The following PTPRM variants were observed in gnomAD, a reference collection of about 807,000 sequenced individuals.
PTPRM encodes receptor-type tyrosine-protein phosphatase mu.
In PTPRM, 47 loss-of-function variants were observed where a neutral mutation model predicts 186.7. The ratio of observed to expected loss-of-function variants is 0.25; its 90% CI spans 0.20 to 0.32. PTPRM has a LOEUF of 0.32. PTPRM is among the 10% of genes least tolerant of loss of function. The pLI, the probability that PTPRM is intolerant of heterozygous loss-of-function variation, is 1.00. For synonymous variants in PTPRM, 668 were observed against 674.9 expected, an observed-to-expected ratio of 0.99 and a Z score of 0.16; for missense variants, 1,494 against 1,865.0, an observed-to-expected ratio of 0.80 and a Z score of 3.66.
intron 2 of PTPRM, among the ~76,000 whole-genome samples, chr18:7,844,687 T>A (rs2046506801): frequency 6.6e-6 from 1 of 152,206 alleles, no homozygotes; most frequent in South Asian, 2.1e-4. Context: ...TCTGAGTCAC[T>A]CCTCCTCTTC....
At chr18:8,359,056 TAA>T (rs1255540500) in intron 23 of PTPRM, among the ~76,000 whole-genome samples, 1 of 152,194 alleles carries the variant, frequency 6.6e-6, no homozygotes, top group African/African-American at 2.4e-5. Context: ...CCTTTTGTAT[TAA>T]ATACTTGGTA....
At chr18:8,258,230 A>AG (rs2147457103) in intron 19 of PTPRM, among the ~76,000 whole-genome samples, 1 of 152,280 alleles carries the variant, frequency 6.6e-6, no homozygotes, top group East Asian at 1.9e-4. Flanking sequence ...TGACAAGCAA[A>AG]GGGCAGTCTG....
Position 8,085,671 on chromosome 18 carries a change from A to G in PTPRM, c.1552A>G (p.Ile518Val). ...QTYGVITLYEITYKAVSSFDP... is the reference protein window; with the variant it reads ...QTYGVITLYEVTYKAVSSFDP... ...TTATCACTTTCTCATTCTTTTGCAG[A>G]TCACCTACAAAGCAGTCAGTTCCTT... The change falls in exon 10 of 33, where the codon ATC becomes GTC. Residue 518 changes from isoleucine (I) to valine (V), a missense_variant and splice_region_variant. Physicochemically the swap from Ile to Val is conservative, Grantham distance 29. Transcript: ENST00000580170. 6.3e-7 allele frequency: 1 copy of G among 1,590,750 alleles called. No individual in the cohort carries two copies. The highest frequency in any genetic ancestry group is 8.6e-7 in the Non-Finnish European group (1 of 1,158,918).
At chr18:7,837,679 G>A (rs1323627881) in intron 2 of PTPRM, among the ~76,000 whole-genome samples, 1 of 152,116 alleles carries the variant, frequency 6.6e-6, no homozygotes, top group African/African-American at 2.4e-5. Flanking sequence ...CTGACCTCAG[G>A]TGATCCACCC....
intron 1 of PTPRM, among the ~76,000 whole-genome samples, chr18:7,728,963 G>A (rs910216935): frequency 9.1e-6 from 1 of 109,776 alleles, no homozygotes; most frequent in Admixed American, 1.1e-4. Context: ...TCTCTCTATT[G>A]TCAAGGCTAG....
intron 14 of PTPRM, among the ~76,000 whole-genome samples, chr18:8,146,025 CTTTTT>C (rs33980345): frequency 2.7e-5 from 3 of 109,874 alleles, no homozygotes; most frequent in African/African-American, 3.3e-5. Context: ...TCTTTCTTTT[CTTTTT>C]TTTTTTTTTT....
rs146289239 is a variant in PTPRM at position 7,872,199 on chromosome 18, G to A, written c.197-15907G>A. Reference sequence around the variant, plus strand: ...ATGTAAGTGGTGTAAAAGAACCACCGTTCTTTCACATATTTTAGGCTAAGA... The same window carrying A: ...ATGTAAGTGGTGTAAAAGAACCACCATTCTTTCACATATTTTAGGCTAAGA... On this transcript the variant is annotated intron_variant, in intron 2 of 32. Coordinates refer to ENST00000580170, the MANE Select transcript of PTPRM (RefSeq NM_001105244.2). Among the ~76,000 whole-genome samples, 418 of 152,196 alleles carry A rather than the reference G, an allele frequency of 2.7e-3. 2 individuals are homozygous for A. Among genetic ancestry groups the A allele is most frequent in the Non-Finnish European group, 4.3e-3 (291 of 67,988 alleles).
chr18:7,737,821 A>G (rs1290319542), intron 1 of PTPRM, among the ~76,000 whole-genome samples: 2 of 152,276 alleles, frequency 1.3e-5, no homozygotes, highest in South Asian at 4.2e-4. Context: ...CAAAACCTGG[A>G]TTCTGATAGG....
At chr18:7,908,404 G>C (rs200903929) in intron 4 of PTPRM, among the ~76,000 whole-genome samples, 1 of 152,088 alleles carries the variant, frequency 6.6e-6, no homozygotes, top group East Asian at 1.9e-4. Flanking sequence ...TAATAAAAAT[G>C]GAAATATTTG....
chr18:8,179,671 T>C (rs1410068219), intron 14 of PTPRM, among the ~76,000 whole-genome samples: 3 of 152,098 alleles, frequency 2.0e-5, no homozygotes, highest in African/African-American at 7.2e-5. Flanking sequence ...GGTTTCACCA[T>C]GTTGGCCAGG....
chr18:8,167,564 AG>A (rs1450683794), intron 14 of PTPRM, among the ~76,000 whole-genome samples: 2 of 152,224 alleles, frequency 1.3e-5, no homozygotes, highest in African/African-American at 4.8e-5. Flanking sequence ...CTGTGGATGG[AG>A]CAGGCTCCAG....
At chr18:7,871,406 T>C (rs1468746897) in intron 2 of PTPRM, among the ~76,000 whole-genome samples, 1 of 152,214 alleles carries the variant, frequency 6.6e-6, no homozygotes, top group Non-Finnish European at 1.5e-5. Flanking sequence ...GCGGTGCCAT[T>C]CTGTCACTTT....
At chr18:7,980,877 C>G (rs1043210219) in intron 7 of PTPRM, among the ~76,000 whole-genome samples, 6 of 152,098 alleles carry the variant, frequency 3.9e-5, no homozygotes, top group African/African-American at 1.4e-4. Flanking sequence ...TCCACTGGAG[C>G]ATGAGCTGGC....
At chr18:8,316,750 C>T (rs1401781298) in intron 21 of PTPRM, among the ~76,000 whole-genome samples, 2 of 152,038 alleles carry the variant, frequency 1.3e-5, no homozygotes, top group East Asian at 3.9e-4. Context: ...AAAACTAAAG[C>T]CGTAAAGGGG....
intron 1 of PTPRM, among the ~76,000 whole-genome samples, chr18:7,734,424 G>A (rs966694077): frequency 2.6e-5 from 4 of 152,120 alleles, no homozygotes; most frequent in African/African-American, 9.7e-5. Context: ...TTATATTATT[G>A]TGATTTCATG....
chr18:8,207,950 A>G (rs1412414714), intron 14 of PTPRM, among the ~76,000 whole-genome samples: 2 of 152,212 alleles, frequency 1.3e-5, no homozygotes, highest in East Asian at 1.9e-4. Flanking sequence ...TGAAAGAAAT[A>G]TATCTGCCAA....
intron 1 of PTPRM, among the ~76,000 whole-genome samples, chr18:7,612,273 A>G (rs1409080009): frequency 6.6e-6 from 1 of 152,120 alleles, no homozygotes; most frequent in Non-Finnish European, 1.5e-5. Context: ...TAAATGTGCA[A>G]AATGTGTATG....
chr18:7,675,641 A>T (rs1424643384), intron 1 of PTPRM, among the ~76,000 whole-genome samples: 1 of 152,114 alleles, frequency 6.6e-6, no homozygotes, highest in African/African-American at 2.4e-5. Flanking sequence ...TTTACTCTGC[A>T]TCTCACCCCT....
chr18:7,727,656 TC>T (rs2040577209), intron 1 of PTPRM, among the ~76,000 whole-genome samples: 1 of 152,224 alleles, frequency 6.6e-6, no homozygotes, highest in African/African-American at 2.4e-5. Context: ...TTATCATTTC[TC>T]CCAAATTTGG....
Sources: gnomAD v4.1 joint callset for allele counts (sites outside exome capture counted in the v4.1 genomes callset) on GRCh38, gnomAD v4.1.1 for gene constraint, MANE v1.5 for transcripts, NCBI Gene and HGNC (gene_info 2026-07-23, HGNC 2026-07-21) for gene names.